KLF12: variants seen among roughly 807,000 people sequenced by gnomAD.
KLF12 encodes the protein KLF transcription factor 12, also known as Krueppel-like factor 12.
Under a neutral mutation model 37.8 loss-of-function variants are expected in KLF12, and 9 were observed. The observed-to-expected ratio is 0.24, with a 90% confidence interval of 0.14 to 0.42. The LOEUF (loss-of-function observed/expected upper bound fraction) is 0.42. Among genes scored for constraint, KLF12 ranks in the 10% least tolerant of loss-of-function variants. The probability of loss-of-function intolerance (pLI) is 1.00; values close to 1 mark genes in which losing one functional copy is unlikely to be tolerated. For synonymous variants in KLF12, 208 were observed against 202.1 expected, an observed-to-expected ratio of 1.03 and a Z score of -0.25; for missense variants, 411 against 516.0, an observed-to-expected ratio of 0.80 and a Z score of 1.97.
chr13:74,040,451 AC>A (rs1893371552), intron 1 of KLF12, among the ~76,000 whole-genome samples: 1 of 152,208 alleles, frequency 6.6e-6, no homozygotes, highest in Non-Finnish European at 1.5e-5. Context: ...CCGGCCTGGG[AC>A]ATTGGGATTC....
chr13:73,707,752 C>T (rs570195044), intron 7 of KLF12, among the ~76,000 whole-genome samples: 1 of 152,176 alleles, frequency 6.6e-6, no homozygotes, highest in Non-Finnish European at 1.5e-5. Flanking sequence ...GGATGCACAG[C>T]TGTCACAAAG....
chr13:73,917,150 G>A (rs1356254980), intron 3 of KLF12, among the ~76,000 whole-genome samples: 1 of 152,144 alleles, frequency 6.6e-6, no homozygotes, highest in African/African-American at 2.4e-5. Context: ...GATTGGCCCT[G>A]CCTTAAAAGG....
chr13:74,030,057 T>C (rs564435142), intron 1 of KLF12, among the ~76,000 whole-genome samples: 1 of 152,104 alleles, frequency 6.6e-6, no homozygotes, highest in African/African-American at 2.4e-5. Context: ...CATTAAAAAA[T>C]TTTTAAGTGA....
the KLF12 span, among the ~76,000 whole-genome samples, chr13:74,182,911 G>A: frequency 6.6e-6 from 1 of 151,956 alleles, no homozygotes; most frequent in Non-Finnish European, 1.5e-5. Context: ...GGGCATGTAT[G>A]GGGGACCCTG....
At chr13:74,160,208 C>A in the KLF12 span, among the ~76,000 whole-genome samples, 1 of 152,054 alleles carries the variant, frequency 6.6e-6, no homozygotes, top group African/African-American at 2.4e-5. Flanking sequence ...CATATAATTT[C>A]TTCTTTAGTG....
chr13:74,232,351 A>G, the KLF12 span, among the ~76,000 whole-genome samples: 4 of 152,220 alleles, frequency 2.6e-5, no homozygotes, highest in Non-Finnish European at 5.9e-5. Context: ...GTAAACTTTC[A>G]TGATCCTTTG....
At chr13:74,278,109 C>T in the KLF12 span, among the ~76,000 whole-genome samples, 28 of 152,254 alleles carry the variant, frequency 1.8e-4, no homozygotes, top group African/African-American at 5.8e-4. Context: ...GGTGCTCTCA[C>T]GAGTTCTTTG....
chr13:74,095,979 T>C (rs1179618888), intron 1 of KLF12, among the ~76,000 whole-genome samples: 1 of 152,104 alleles, frequency 6.6e-6, no homozygotes. Flanking sequence ...CTGACAGAAG[T>C]AGTGGTCTCT....
chr13:73,837,343 T>C (rs1032386636), intron 4 of KLF12, among the ~76,000 whole-genome samples: 7 of 152,304 alleles, frequency 4.6e-5, no homozygotes, highest in Middle Eastern at 3.4e-3. Context: ...CTATGCCAGA[T>C]GAAGCAGCGA....
rs774914705 is a variant in KLF12 at position 73,692,539 on chromosome 13, C to T, written c.*2951G>A. 1 of 152,636 alleles carries T rather than the reference C, an allele frequency of 6.6e-6. No individual in the cohort carries two copies. The highest frequency in any genetic ancestry group is 2.4e-5 in the African/African-American group (1 of 41,454). 9.5% of individuals were successfully genotyped at this position (152,636 alleles called of 1,614,324 possible). On this transcript the variant is annotated 3_prime_UTR_variant, in exon 8 of 8. Transcript: ENST00000377669. The stretch of plus-strand genomic sequence containing the variant: ...TGTTATGTCCTTTAGGATTCTACTG[C>T]TTTTCTGTTGCTCATGATGCACTGT...
chr13:73,758,070 T>C (rs1406183286), intron 6 of KLF12, among the ~76,000 whole-genome samples: 1 of 150,532 alleles, frequency 6.6e-6, no homozygotes, highest in Non-Finnish European at 1.5e-5. Context: ...TTAATTTTTC[T>C]TTTTTTTAGA....
chr13:74,139,324 CT>C, the KLF12 span, among the ~76,000 whole-genome samples: 1 of 152,178 alleles, frequency 6.6e-6, no homozygotes, highest in Non-Finnish European at 1.5e-5. Flanking sequence ...CCTATTTAGC[CT>C]TTCTTTTACC....
At chr13:73,943,822 C>A (rs1323754729) in intron 3 of KLF12, among the ~76,000 whole-genome samples, 159 bp downstream of exon 3, 1 of 152,166 alleles carries the variant, frequency 6.6e-6, no homozygotes, top group East Asian at 1.9e-4. Context: ...CAAATGGGTA[C>A]AGATCAACCA....
chr13:73,708,459 G>T lies in KLF12; in HGVS notation c.1027+6909C>A, dbSNP rs141489228. Among the ~76,000 whole-genome samples, 391 of 152,148 alleles carry T rather than the reference G, an allele frequency of 2.6e-3. 1 individual carries two copies. Among genetic ancestry groups the T allele is most frequent in the African/African-American group, 8.8e-3 (365 of 41,540 alleles). On this transcript the variant is annotated intron_variant, in intron 7 of 7. Transcript: ENST00000377669. ...CATCATTAAATTGTAATATTCTGCA[G>T]AACACTGATAATGTCAGTGTCATTG...
chr13:73,971,405 G>T (rs1384410201), intron 2 of KLF12, among the ~76,000 whole-genome samples: 1 of 152,112 alleles, frequency 6.6e-6, no homozygotes, highest in African/African-American at 2.4e-5. Flanking sequence ...GTAATACACT[G>T]TAAGAGACAG....
intron 1 of KLF12, among the ~76,000 whole-genome samples, chr13:74,085,324 G>A (rs542452525): frequency 2.6e-5 from 4 of 152,300 alleles, no homozygotes; most frequent in African/African-American, 9.6e-5. Context: ...AAAATCCACA[G>A]TTCGGAGGTT....
chr13:73,902,240 T>C (rs537118169), intron 3 of KLF12, among the ~76,000 whole-genome samples: 9 of 152,310 alleles, frequency 5.9e-5, no homozygotes, highest in African/African-American at 2.2e-4. Flanking sequence ...GGGTAAGAGA[T>C]TCAGAAACTG....
chr13:73,787,942 G>A (rs1353455319), intron 5 of KLF12, among the ~76,000 whole-genome samples: 1 of 152,072 alleles, frequency 6.6e-6, no homozygotes, highest in Admixed American at 6.5e-5. Context: ...GGGACAGGAA[G>A]GGTAAGAGGA....
At chr13:73,867,941 A>C (rs1886261725) in intron 3 of KLF12, among the ~76,000 whole-genome samples, 1 of 151,492 alleles carries the variant, frequency 6.6e-6, no homozygotes, top group Non-Finnish European at 1.5e-5. Flanking sequence ...GAATCGCTTG[A>C]ACCTGGGAGG....
Sources: allele counts gnomAD v4.1 joint callset (sites outside exome capture counted in the v4.1 genomes callset), GRCh38; gene constraint gnomAD v4.1.1; transcripts MANE v1.5; gene names NCBI Gene and HGNC (gene_info 2026-07-23, HGNC 2026-07-21).